MTF1: variants seen among roughly 807,000 people sequenced by gnomAD.
MTF1 encodes MRE-binding transcription factor.
In MTF1, 22 loss-of-function variants were observed where a neutral mutation model predicts 70.4. The ratio of observed to expected loss-of-function variants is 0.31; its 90% CI spans 0.22 to 0.45. MTF1 has a LOEUF of 0.45. Ranked by LOEUF, MTF1 falls within the 20% of genes least tolerant of loss-of-function variation. The probability of loss-of-function intolerance (pLI) is 1.00; values close to 1 mark genes in which losing one functional copy is unlikely to be tolerated. For synonymous variants in MTF1, 333 were observed against 352.8 expected (o/e 0.94, Z 0.63); for missense variants, 649 against 922.0 (o/e 0.70, Z 3.83).
In MTF1 at chr1:37,859,590, A is replaced by T. The variant is rs1417209292; in HGVS notation, c.-111T>A. 2.5e-6 allele frequency: 1 copy of T among 398,656 alleles called. No homozygotes were observed. Among genetic ancestry groups the T allele is most frequent in the East Asian group, 3.6e-5 (1 of 28,078 alleles). 24.7% of individuals were successfully genotyped at this position (398,656 alleles called of 1,614,324 possible). On this transcript the variant is annotated 5_prime_UTR_variant, in exon 1 of 11. Coordinates refer to ENST00000373036, the MANE Select transcript of MTF1 (RefSeq NM_005955.3). Reference sequence around the variant, plus strand: ...TTCTCCCCTCCCCAGCGGCACCATGATTGCCCCCACCTTCCCCTAACGTCA... The same window carrying T: ...TTCTCCCCTCCCCAGCGGCACCATGTTTGCCCCCACCTTCCCCTAACGTCA...
At chr1:37,826,425 C>T (rs571559619) in intron 7 of MTF1, 29 of 353,046 alleles carry the variant, frequency 8.2e-5, no homozygotes, top group South Asian at 4.9e-4. Flanking sequence ...GGACTACAGG[C>T]GCACGCCACC....
rs1160952543 is a variant in MTF1, at chr1:37,839,915, C to T, written c.647+5G>A. The T allele has an allele frequency of 1.9e-6, 3 of 1,610,958 alleles. No individual in the cohort carries two copies. The highest frequency in any genetic ancestry group is 2.5e-6 in the Non-Finnish European group (3 of 1,177,350). ...GGCTGGCAGAGCATTGGAGACGAGA[C>T]TGACCTGTACAGTGTGTTGAATGCC... On this transcript the variant is annotated splice_donor_5th_base_variant and intron_variant, in intron 3 of 10. Transcript: ENST00000373036.
In MTF1 at chr1:37,815,195, T is replaced by C. The variant is rs1464047917; in HGVS notation, c.2203A>G (p.Ile735Val). Residue 735 changes from isoleucine (I) to valine (V), a missense_variant, in exon 11 of 11, where the codon ATT becomes GTT. By Grantham distance (29) the Ile-to-Val change is conservative (BLOSUM62 3). Around this residue, in one of 7 missense-constraint regions of MTF1, gnomAD observed 138 missense variants for 134.4 expected, o/e 1.03. Coordinates refer to ENST00000373036, the MANE Select transcript of MTF1 (RefSeq NM_005955.3). The surrounding 1 kb of genome is among the most constrained non-coding windows in gnomAD (Gnocchi z 4.5). Reference sequence around the variant, plus strand: ...TCCTCCCCCTGCAGTAGTGCTTCAATGGGAATCAGATTGGACGGGGTGTCC... The same window carrying C: ...TCCTCCCCCTGCAGTAGTGCTTCAACGGGAATCAGATTGGACGGGGTGTCC... ...SLDTPSNLIP[I>V]EALLQGEEEM... 1.2e-6 allele frequency: 2 copies of C among 1,614,086 alleles called. No individual in the cohort carries two copies.
intron 9 of MTF1, among the ~76,000 whole-genome samples, chr1:37,819,941 G>T (rs1640884543): frequency 1.0e-5 from 1 of 95,832 alleles, no homozygotes; most frequent in Non-Finnish European, 1.9e-5. Context: ...AACAGAGCAA[G>T]ACTCTGACTC....
At chr1:37,845,482 T>C (rs1641318390) in intron 2 of MTF1, among the ~76,000 whole-genome samples, 1 of 152,024 alleles carries the variant, frequency 6.6e-6, no homozygotes, top group African/African-American at 2.4e-5. Flanking sequence ...TTGGGGAAAG[T>C]ATTTGTTTGA....
chr1:37,856,860 C>T (rs995467731), intron 2 of MTF1, among the ~76,000 whole-genome samples: 5 of 152,160 alleles, frequency 3.3e-5, no homozygotes, highest in African/African-American at 1.2e-4. Flanking sequence ...ATCTCTAAAA[C>T]AAATCATTTA....
Position 37,810,164 on chromosome 1 carries a change from A to C in MTF1, c.*4972T>G, listed in dbSNP as rs1249390258. ...GGAGGCCTGAGAACACAGCAGGAAA[A>C]GGGCAAGAGAAAGCCTCTGACTTGG... On this transcript the variant is annotated 3_prime_UTR_variant, in exon 11 of 11. Coordinates refer to ENST00000373036, the MANE Select transcript of MTF1 (RefSeq NM_005955.3). 1 of 152,438 alleles carries C rather than the reference A, an allele frequency of 6.6e-6. No individual in the cohort carries two copies. Among genetic ancestry groups the C allele is most frequent in the African/African-American group, 2.4e-5 (1 of 41,450 alleles). The allele number at this position is 152,438 out of a possible 1,614,324, so 9.4% of individuals were successfully genotyped here. A position where few individuals can be genotyped will look rare whatever the true frequency, so the allele number is the denominator to read the frequency against.
intron 2 of MTF1, among the ~76,000 whole-genome samples, chr1:37,849,300 C>A (rs1641379216): frequency 6.6e-6 from 1 of 152,090 alleles, no homozygotes; most frequent in South Asian, 2.1e-4. Context: ...GTGGCACATG[C>A]CTGTAATCCT....
At chr1:37,826,334 G>A (rs569756854) in intron 7 of MTF1, among the ~76,000 whole-genome samples, 2 of 152,150 alleles carry the variant, frequency 1.3e-5, no homozygotes, top group Non-Finnish European at 2.9e-5. Context: ...TTATCCAGGC[G>A]GGAGTGCAGA....
chr1:37,829,369 TTGCCCAGAC>T (rs1005557458), intron 7 of MTF1, among the ~76,000 whole-genome samples: 1 of 152,168 alleles, frequency 6.6e-6, no homozygotes, highest in Non-Finnish European at 1.5e-5. Context: ...TCTCACTGTG[TTGCCCAGAC>T]TGGTCTCAAA....
At chr1:37,838,290 G>C (rs1641201152) in intron 4 of MTF1, among the ~76,000 whole-genome samples, 1 of 152,100 alleles carries the variant, frequency 6.6e-6, no homozygotes, top group Non-Finnish European at 1.5e-5. Context: ...TTTGTCACCA[G>C]ACAAAGGTTC....
Position 37,822,374 on chromosome 1 carries a change from G to C in MTF1, c.1514C>G (p.Ala505Gly). ...TGCCACTGCCGCTGCTGATGCAGAA[G>C]CCCCAGCAACAACAGAAAGTCCTGG... ...IVPGLSVVAG[A>G]SASAAAVASA... Residue 505 changes from alanine (A) to glycine (G), a missense_variant, in exon 9 of 11, where the codon GCT becomes GGT. Physicochemically the swap from Ala to Gly is moderately conservative, Grantham distance 60 (BLOSUM62 0). Coordinates refer to ENST00000373036, the MANE Select transcript of MTF1 (RefSeq NM_005955.3). 1 of 1,613,838 alleles carries C rather than the reference G, an allele frequency of 6.2e-7. No homozygotes were observed. The highest frequency in any genetic ancestry group is 8.5e-7 in the Non-Finnish European group (1 of 1,179,768).
Position 37,855,958 on chromosome 1 carries a change from C to CA in MTF1, c.408+1292dup, listed in dbSNP as rs899933418. Among the ~76,000 whole-genome samples the CA allele has an allele frequency of 4.7e-3, 676 of 144,278 alleles. 6 individuals are homozygous for CA. The highest frequency in any genetic ancestry group is 0.014 in the African/African-American group (555 of 39,622). The allele number at this position is 144,278 out of a possible 152,430, so 94.7% of individuals were successfully genotyped here. Reference sequence around the variant, plus strand: ...AGGCAACAAGAGTGAAACTCCATCTCAAAAAAAAAAATAGTTCCTAGATAA... The same window carrying CA: ...AGGCAACAAGAGTGAAACTCCATCTCAAAAAAAAAAAATAGTTCCTAGATAA... On this transcript the variant is annotated intron_variant, in intron 2 of 10. Coordinates refer to ENST00000373036, the MANE Select transcript of MTF1 (RefSeq NM_005955.3).
At chr1:37,834,603 GA>G in intron 6 of MTF1, 2 of 456,276 alleles carry the variant, frequency 4.4e-6, no homozygotes, top group Non-Finnish European at 8.8e-6. Flanking sequence ...GTGGACAGAA[GA>G]GGGGGAAAAG....
chr1:37,830,632 G>T (rs1207268786), intron 7 of MTF1, among the ~76,000 whole-genome samples: 1 of 152,170 alleles, frequency 6.6e-6, no homozygotes, highest in Non-Finnish European at 1.5e-5. Context: ...GTTTCTTCAC[G>T]TGTTTACTAA....
At position 37,857,491 on chromosome 1, in the gene MTF1, G is replaced by A; in HGVS notation, c.168C>T (p.Gly56=). 2.5e-6 allele frequency: 4 copies of A among 1,614,176 alleles called. No homozygotes were observed. The highest frequency in any genetic ancestry group is 3.4e-6 in the Non-Finnish European group (4 of 1,180,038). Residue 56 remains glycine (G), a synonymous_variant, in exon 2 of 11, where the codon GGC becomes GGT. Coordinates refer to ENST00000373036, the MANE Select transcript of MTF1 (RefSeq NM_005955.3). ...CGTCGTCATCTTCATCCTCCAAAGT[G>A]CCAGGGTCCTGCTCAATAAGAACAG... ...RTTVLIEQDP[G]TLEDEDDDGQ... is the part of the protein sequence containing the mutation.
At position 37,810,891 on chromosome 1, in the gene MTF1, T is replaced by C. The variant is rs746960017; in HGVS notation, c.*4245A>G. 4 of 152,352 alleles carry C rather than the reference T, an allele frequency of 2.6e-5. No homozygotes were observed. The highest frequency in any genetic ancestry group is 4.4e-5 in the Non-Finnish European group (3 of 68,038). 9.4% of individuals were successfully genotyped at this position (152,352 alleles called of 1,614,324 possible). On this transcript the variant is annotated 3_prime_UTR_variant, in exon 11 of 11. Coordinates refer to ENST00000373036, the MANE Select transcript of MTF1 (RefSeq NM_005955.3). ...GCTTAAGGAACCAACACAGGTAGTA[T>C]GGGGAGCAGTATGGAAATGGCTCAT...
intron 10 of MTF1, among the ~76,000 whole-genome samples, chr1:37,816,679 A>G (rs1177049124): frequency 1.3e-5 from 2 of 151,010 alleles, no homozygotes; most frequent in East Asian, 3.9e-4. Flanking sequence ...CATCTCAAAA[A>G]AAAAAAAAAA....
Position 37,810,487 on chromosome 1 carries a change from G to A in MTF1, c.*4649C>T, listed in dbSNP as rs536876709. ...CCCTCTCTTGAACAGGAGTAACAGT[G>A]AGAAATGCCCAGTGGTCGTCGGCTT... On this transcript the variant is annotated 3_prime_UTR_variant, in exon 11 of 11. Transcript: ENST00000373036. 7.2e-5 allele frequency: 11 copies of A among 152,182 alleles called. No individual in the cohort carries two copies. The highest frequency in any genetic ancestry group is 1.3e-4 in the Non-Finnish European group (9 of 68,044). 9.4% of individuals were successfully genotyped at this position (152,182 alleles called of 1,614,324 possible). A position where few individuals can be genotyped will look rare whatever the true frequency, so the allele number is the denominator to read the frequency against.
Sources: gnomAD v4.1 joint callset for allele counts (sites outside exome capture counted in the v4.1 genomes callset) on GRCh38, gnomAD v4.1.1 for gene constraint, gnomAD v4.1.1 regional missense constraint, Gnocchi (gnomAD v3.1) non-coding constraint, MANE v1.5 for transcripts, NCBI Gene and HGNC (gene_info 2026-07-23, HGNC 2026-07-21) for gene names.